TBC1D32: variants seen among roughly 807,000 people sequenced by gnomAD.
TBC1D32 encodes the protein TBC1 domain family member 32, also known as protein broad-minded.
In TBC1D32, 151 loss-of-function variants were observed where a neutral mutation model predicts 170.3. The observed-to-expected ratio is 0.89, with a 90% CI of 0.78 to 1.01. The LOEUF is 1.01. Ranked by LOEUF, TBC1D32 falls within the 50% of genes least tolerant of loss-of-function variation. TBC1D32 has a pLI of 0.00. For missense variants in TBC1D32, 1,464 were observed against 1,457.1 expected (o/e 1.00, Z -0.08); for synonymous variants, 498 against 488.0 (o/e 1.02, Z -0.27).
At chr6:121,313,433 G>A (rs1000395317) in intron 3 of TBC1D32, among the ~76,000 whole-genome samples, 7 of 151,786 alleles carry the variant, frequency 4.6e-5, no homozygotes, top group East Asian at 3.9e-4. Flanking sequence ...ACAGGCACGC[G>A]CCACTATACC....
intron 22 of TBC1D32, among the ~76,000 whole-genome samples, chr6:121,162,522 T>C (rs866379352): frequency 1.3e-5 from 2 of 152,170 alleles, no homozygotes; most frequent in Admixed American, 1.3e-4. Context: ...TCACCACTCC[T>C]ATTAAACATA....
chr6:121,122,065 A>G (rs1249201123), intron 26 of TBC1D32, among the ~76,000 whole-genome samples: 1 of 151,980 alleles, frequency 6.6e-6, no homozygotes, highest in African/African-American at 2.4e-5. Flanking sequence ...CTTCCTCTCA[A>G]TGTACAATCA....
chr6:121,106,707 T>C (rs886483770), intron 29 of TBC1D32, among the ~76,000 whole-genome samples: 2 of 152,022 alleles, frequency 1.3e-5, no homozygotes, highest in Non-Finnish European at 2.9e-5. Context: ...GAGAAACTCA[T>C]CTCTAAAACT....
intron 24 of TBC1D32, among the ~76,000 whole-genome samples, chr6:121,134,849 A>G (rs1781861766): frequency 1.3e-5 from 2 of 152,128 alleles, no homozygotes; most frequent in African/African-American, 4.8e-5. Flanking sequence ...TTAGTATATA[A>G]ACAGCTAAAT....
intron 15 of TBC1D32, among the ~76,000 whole-genome samples, chr6:121,273,502 G>A (rs186316637): frequency 2.5e-3 from 377 of 150,634 alleles, no homozygotes; most frequent in African/African-American, 9.0e-3. Flanking sequence ...GGGTTGGGGG[G>A]GTTAGGGATA....
At chr6:121,090,025 T>A (rs886070273) in intron 31 of TBC1D32, among the ~76,000 whole-genome samples, 1 of 151,548 alleles carries the variant, frequency 6.6e-6, no homozygotes, top group Admixed American at 6.6e-5. Flanking sequence ...CTCCGCCTCC[T>A]GGGTTCACGC....
chr6:121,201,468 T>C (rs1156983601), intron 22 of TBC1D32, among the ~76,000 whole-genome samples: 1 of 151,362 alleles, frequency 6.6e-6, no homozygotes, highest in Non-Finnish European at 1.5e-5. Context: ...TCATCTATCA[T>C]AGCAGAGTTG....
At chr6:121,302,776 T>C (rs1166149469) in intron 9 of TBC1D32, among the ~76,000 whole-genome samples, 2 of 152,114 alleles carry the variant, frequency 1.3e-5, no homozygotes, top group Non-Finnish European at 2.9e-5. Flanking sequence ...TTTAATTTAA[T>C]TGAGTAAACA....
chr6:121,269,221 C>A (rs9387940), intron 15 of TBC1D32, among the ~76,000 whole-genome samples: 17 of 152,024 alleles, frequency 1.1e-4, no homozygotes, highest in Admixed American at 4.6e-4. Context: ...GCAAAATAAC[C>A]AGCTAACATC....
chr6:121,237,010 A>G (rs912786401), intron 20 of TBC1D32: 2 of 152,044 alleles, frequency 1.3e-5, no homozygotes, highest in Non-Finnish European at 2.9e-5. Context: ...AAATCCAGCT[A>G]TCCATCTGGT....
At chr6:121,255,206 C>T in intron 17 of TBC1D32, 122 bp downstream of exon 17, 1 of 436,146 alleles carries the variant, frequency 2.3e-6, no homozygotes, top group Non-Finnish European at 4.0e-6. Flanking sequence ...TTCCTTGAAG[C>T]TGTATATATA....
intron 7 of TBC1D32, 43 bp from the exon 8 acceptor site, chr6:121,304,469 C>T: frequency 5.6e-6 from 9 of 1,604,024 alleles, no homozygotes; most frequent in Non-Finnish European, 7.7e-6. Flanking sequence ...TTAGCATCCT[C>T]AAATATAAAA....
intron 2 of TBC1D32, among the ~76,000 whole-genome samples, chr6:121,319,839 T>C (rs1809451178): frequency 6.6e-6 from 1 of 152,134 alleles, no homozygotes; most frequent in South Asian, 2.1e-4. Context: ...TAAAACTCAA[T>C]AGCAGCCATT....
intron 15 of TBC1D32, among the ~76,000 whole-genome samples, chr6:121,262,606 A>G (rs1583452940): frequency 6.6e-6 from 1 of 151,798 alleles, no homozygotes; most frequent in East Asian, 1.9e-4. Flanking sequence ...CCTCCTGAGT[A>G]GCTGGGACTA....
intron 1 of TBC1D32, among the ~76,000 whole-genome samples, chr6:121,330,872 C>G (rs1173321959): frequency 6.6e-6 from 1 of 152,204 alleles, no homozygotes; most frequent in East Asian, 1.9e-4. Flanking sequence ...AAGCAACGTA[C>G]TCTTCTCTCT....
chr6:121,203,318 A>T (rs1024195760), intron 22 of TBC1D32, among the ~76,000 whole-genome samples: 3 of 151,458 alleles, frequency 2.0e-5, no homozygotes, highest in Non-Finnish European at 4.4e-5. Context: ...CATTTGTGTA[A>T]GAAAAACTTG....
chr6:121,175,008 C>T (rs913031732), intron 22 of TBC1D32, among the ~76,000 whole-genome samples: 4 of 118,320 alleles, frequency 3.4e-5, no homozygotes, highest in Admixed American at 1.1e-4. Flanking sequence ...CTCTAGCCTG[C>T]GTGACAGACC....
At chr6:121,106,186 AAATTTTATT>A (rs773244544) in intron 29 of TBC1D32, 23 bp from the exon 30 acceptor site, 2 of 1,325,374 alleles carry the variant, frequency 1.5e-6, no homozygotes, top group Non-Finnish European at 2.0e-6. Flanking sequence ...GAAAAATTAA[AAATTTTATT>A]AATTTTATTA....
chr6:121,096,496 G>A (rs936646991), intron 30 of TBC1D32, among the ~76,000 whole-genome samples: 1 of 152,128 alleles, frequency 6.6e-6, no homozygotes, highest in Non-Finnish European at 1.5e-5. Flanking sequence ...CAAGGGATGT[G>A]AAGGACCTCT....
Sources: gnomAD v4.1 joint callset for allele counts (sites outside exome capture counted in the v4.1 genomes callset) on GRCh38, gnomAD v4.1.1 for gene constraint, MANE v1.5 for transcripts, NCBI Gene and HGNC (gene_info 2026-07-23, HGNC 2026-07-21) for gene names.